NR6A1: variants seen among roughly 807,000 people sequenced by gnomAD.
NR6A1 encodes nuclear receptor subfamily 6 group A member 1.
In NR6A1, 7 loss-of-function variants were observed where a neutral mutation model predicts 59.1. That is an observed-to-expected ratio of 0.12 (90% CI 0.07 to 0.22). The LOEUF is 0.22. Ranked by LOEUF, NR6A1 falls within the 10% of genes least tolerant of loss-of-function variation. NR6A1 has a pLI of 1.00. For missense variants in NR6A1, 468 were observed against 611.6 expected (o/e 0.77, Z 2.48); for synonymous variants, 243 against 236.1 (o/e 1.03, Z -0.27).
At chr9:124,524,613 A>T (rs1259747824) in intron 9 of NR6A1, 108 bp downstream of exon 9, 1 of 1,239,254 alleles carries the variant, frequency 8.1e-7, no homozygotes, top group Non-Finnish European at 1.1e-6. Flanking sequence ...TCTTTCATGC[A>T]GTTGGTGATG....
At chr9:124,681,492 C>A (rs1588777534) in intron 2 of NR6A1, among the ~76,000 whole-genome samples, 1 of 151,908 alleles carries the variant, frequency 6.6e-6, no homozygotes, top group East Asian at 1.9e-4. Context: ...CAGGTGCATG[C>A]CACCACACCT....
At chr9:124,557,833 C>T (rs1376832398) in intron 2 of NR6A1, among the ~76,000 whole-genome samples, 1 of 152,134 alleles carries the variant, frequency 6.6e-6, no homozygotes. Context: ...TTAGATATGA[C>T]TATAATGTAA....
intron 2 of NR6A1, among the ~76,000 whole-genome samples, chr9:124,563,059 TTGATTA>T (rs1475834458): frequency 1.3e-5 from 2 of 152,240 alleles, no homozygotes; most frequent in African/African-American, 2.4e-5. Flanking sequence ...CAGGTAGGTT[TTGATTA>T]AAGATGTTAA....
intron 2 of NR6A1, among the ~76,000 whole-genome samples, chr9:124,728,364 G>A (rs184465788): frequency 4.6e-5 from 7 of 151,850 alleles, no homozygotes; most frequent in East Asian, 2.0e-4. Flanking sequence ...GGCCAGGCAC[G>A]GTGGCTCACG....
chr9:124,528,883 T>C (rs890450086), intron 7 of NR6A1, among the ~76,000 whole-genome samples: 16 of 152,194 alleles, frequency 1.1e-4, no homozygotes, highest in African/African-American at 3.6e-4. Context: ...TTAAAATATA[T>C]AGGAAGATAT....
At chr9:124,526,956 A>G (rs1832955717) in intron 7 of NR6A1, 56 bp from the exon 8 acceptor site, 1 of 1,605,430 alleles carries the variant, frequency 6.2e-7, no homozygotes. Context: ...GGGGCCAGGA[A>G]AGGGCAGCCA....
intron 3 of NR6A1, 60 bp from the exon 4 acceptor site, chr9:124,543,917 C>A: frequency 6.8e-7 from 1 of 1,466,524 alleles, no homozygotes; most frequent in Admixed American, 1.7e-5. Context: ...AGTCTTAGCA[C>A]AAAAAGAGAG....
At chr9:124,608,028 C>T (rs4240487) in intron 2 of NR6A1, among the ~76,000 whole-genome samples, 73,381 of 151,878 alleles carry the variant, frequency 0.48, 17,901 homozygotes, top group Admixed American at 0.59. Context: ...GCCGTGATCA[C>T]GCCATCGTAC....
At chr9:124,744,188 C>CA (rs2131155257) in intron 1 of NR6A1, among the ~76,000 whole-genome samples, 1 of 152,138 alleles carries the variant, frequency 6.6e-6, no homozygotes, top group Admixed American at 6.5e-5. Context: ...CGCAGTGAGC[C>CA]AGGATCACTG....
At chr9:124,686,293 T>C (rs550035088) in intron 2 of NR6A1, among the ~76,000 whole-genome samples, 1 of 152,338 alleles carries the variant, frequency 6.6e-6, no homozygotes, top group African/African-American at 2.4e-5. Flanking sequence ...ATTGAGTTCT[T>C]TGGTAACTGT....
chr9:124,705,629 C>A (rs186093136), intron 2 of NR6A1, among the ~76,000 whole-genome samples: 1 of 152,242 alleles, frequency 6.6e-6, no homozygotes, highest in East Asian at 1.9e-4. Flanking sequence ...CCATCTCTAC[C>A]TTTTGAATAG....
chr9:124,629,537 A>C (rs1836360908), intron 2 of NR6A1, among the ~76,000 whole-genome samples: 1 of 152,242 alleles, frequency 6.6e-6, no homozygotes, highest in Admixed American at 6.5e-5. Context: ...GATGGGAATC[A>C]AATATCCAAG....
At chr9:124,760,076 C>A (rs145154449) in intron 1 of NR6A1, among the ~76,000 whole-genome samples, 14 of 147,022 alleles carry the variant, frequency 9.5e-5, no homozygotes, top group African/African-American at 3.5e-4. Flanking sequence ...AGGTGGGATG[C>A]CGAGGCAGGC....
chr9:124,734,167 C>A (rs1839957674), intron 1 of NR6A1, among the ~76,000 whole-genome samples: 1 of 152,246 alleles, frequency 6.6e-6, no homozygotes, highest in Non-Finnish European at 1.5e-5. Flanking sequence ...ACCCTTGTCT[C>A]ACACACAAGG....
rs1392720758 is a variant in NR6A1, at chr9:124,521,753, A to T, written c.*952T>A. On this transcript the variant is annotated 3_prime_UTR_variant, in exon 10 of 10. Transcript: ENST00000487099. ...TCAGTAGTGGGCACCAGGCTTCAGA[A>T]CATGGCATTCTGCTCAGCTGGTTTT... The T allele has an allele frequency of 6.6e-6, 1 of 152,232 alleles. No individual in the cohort carries two copies. The highest frequency in any genetic ancestry group is 2.4e-5 in the African/African-American group (1 of 41,436). The allele number at this position is 152,232 out of a possible 1,614,324, so 9.4% of individuals were successfully genotyped here.
chr9:124,545,013 A>G (rs1319614099), intron 3 of NR6A1, among the ~76,000 whole-genome samples: 2 of 152,186 alleles, frequency 1.3e-5, no homozygotes. Flanking sequence ...AAAAATTAAC[A>G]TAAGGAATCT....
At chr9:124,598,280 T>TGC (rs755068647) in intron 2 of NR6A1, among the ~76,000 whole-genome samples, 3 of 151,386 alleles carry the variant, frequency 2.0e-5, no homozygotes, top group Non-Finnish European at 2.9e-5. Flanking sequence ...GAGGCTGCAG[T>TGC]GCGCTATGAT....
chr9:124,728,637 A>ATAAAT (rs1554750390), intron 2 of NR6A1, among the ~76,000 whole-genome samples: 2 of 144,944 alleles, frequency 1.4e-5, no homozygotes, highest in African/African-American at 5.2e-5. Context: ...TCCGCCTCAA[A>ATAAAT]AAATAAATAA....
chr9:124,624,912 GTTTTT>G (rs71492418), intron 2 of NR6A1, among the ~76,000 whole-genome samples: 4 of 134,854 alleles, frequency 3.0e-5, no homozygotes, highest in African/African-American at 5.4e-5. Flanking sequence ...TTGCTAGCTT[GTTTTT>G]TTTTTTTTTT....
Sources: allele counts gnomAD v4.1 joint callset (sites outside exome capture counted in the v4.1 genomes callset), GRCh38; gene constraint gnomAD v4.1.1; transcripts MANE v1.5; gene names NCBI Gene and HGNC (gene_info 2026-07-23, HGNC 2026-07-21).